SNX24: variants seen among roughly 807,000 people sequenced by gnomAD.
The protein encoded by SNX24 is sorting nexin 24, also known as sorting nexin-24.
In SNX24, 22 loss-of-function variants were observed where a neutral mutation model predicts 28.7. The ratio of observed to expected loss-of-function variants is 0.77; its 90% confidence interval spans 0.55 to 1.10. The LOEUF is 1.10. SNX24 is among the 50% of genes least tolerant of loss of function. The pLI is 0.00. For synonymous variants in SNX24, 69 were observed against 71.5 expected, an observed-to-expected ratio of 0.96 and a Z score of 0.18; for missense variants, 221 against 201.1, an observed-to-expected ratio of 1.10 and a Z score of -0.60.
chr5:122,852,245 G>A (rs189027851), intron 1 of SNX24, among the ~76,000 whole-genome samples: 7 of 151,772 alleles, frequency 4.6e-5, no homozygotes, highest in Non-Finnish European at 5.9e-5. Context: ...AACATGTGCC[G>A]TGGTGGTTTG....
intron 1 of SNX24, among the ~76,000 whole-genome samples, chr5:122,878,529 G>A (rs181982981): frequency 2.3e-4 from 35 of 152,306 alleles, no homozygotes; most frequent in Non-Finnish European, 2.4e-4. Flanking sequence ...AAGGAATGGA[G>A]TCAATAGCAT....
chr5:122,861,461 A>T (rs1011923392), intron 1 of SNX24, among the ~76,000 whole-genome samples: 11 of 152,204 alleles, frequency 7.2e-5, no homozygotes, highest in African/African-American at 2.2e-4. Flanking sequence ...TTTCAGGATG[A>T]TGGGGAATAT....
At chr5:122,975,880 A>G (rs1206650355) in intron 3 of SNX24, among the ~76,000 whole-genome samples, 1 of 152,196 alleles carries the variant, frequency 6.6e-6, no homozygotes, top group African/African-American at 2.4e-5. Context: ...TATACCTTTA[A>G]GGGAACTGAA....
chr5:122,854,970 G>A (rs184642885), intron 1 of SNX24, among the ~76,000 whole-genome samples: 2 of 152,274 alleles, frequency 1.3e-5, no homozygotes, highest in Admixed American at 1.3e-4. Flanking sequence ...GATCATCTGA[G>A]CCTTCACTGA....
intron 5 of SNX24, among the ~76,000 whole-genome samples, chr5:123,024,196 T>A (rs1011239637): frequency 3.9e-5 from 6 of 152,176 alleles, no homozygotes; most frequent in African/African-American, 1.2e-4. Flanking sequence ...AGAAAATATA[T>A]ACATCACATA....
At chr5:123,005,746 A>G (rs1396107286) in intron 6 of SNX24, among the ~76,000 whole-genome samples, 3 of 152,222 alleles carry the variant, frequency 2.0e-5, no homozygotes, top group Non-Finnish European at 2.9e-5. Context: ...TGATTTTAAT[A>G]TCCTTCTATG....
intron 3 of SNX24, among the ~76,000 whole-genome samples, chr5:122,978,724 C>T (rs1761270372): frequency 6.6e-6 from 1 of 152,052 alleles, no homozygotes; most frequent in South Asian, 2.1e-4. Context: ...AAACACAGTG[C>T]ACAAGAAATT....
intron 3 of SNX24, among the ~76,000 whole-genome samples, chr5:122,966,071 G>A (rs1374263982): frequency 6.6e-6 from 1 of 152,098 alleles, no homozygotes; most frequent in Admixed American, 6.6e-5. Flanking sequence ...ATGATTTTTA[G>A]TGCCAAAAAC....
intron 2 of SNX24, 64 bp from the exon 3 acceptor site, chr5:122,945,991 C>T: frequency 2.5e-6 from 2 of 806,100 alleles, no homozygotes; most frequent in East Asian, 5.7e-5. Context: ...CAAATAATAT[C>T]ACTATAATTA....
At chr5:123,000,080 C>G in intron 4 of SNX24, 74 bp downstream of exon 4, 1 of 1,020,840 alleles carries the variant, frequency 9.8e-7, no homozygotes, top group East Asian at 2.4e-5. Context: ...AACAAATAGC[C>G]CAGAGTGATG....
intron 3 of SNX24, among the ~76,000 whole-genome samples, 163 bp from the exon 4 acceptor site, chr5:122,999,749 C>T (rs1762179589): frequency 1.3e-5 from 2 of 152,100 alleles, no homozygotes; most frequent in African/African-American, 2.4e-5. Context: ...TGTGTCAGCC[C>T]GAATTCCTGG....
At chr5:122,877,944 G>A (rs368324620) in intron 1 of SNX24, among the ~76,000 whole-genome samples, 4 of 152,002 alleles carry the variant, frequency 2.6e-5, no homozygotes, top group Admixed American at 6.6e-5. Context: ...TACACATGCC[G>A]GATGTCCACT....
At chr5:122,897,060 A>G (rs766640601) in intron 1 of SNX24, among the ~76,000 whole-genome samples, 2 of 152,212 alleles carry the variant, frequency 1.3e-5, no homozygotes, top group Admixed American at 6.5e-5. Context: ...TTAAATCAAT[A>G]TAGTGTTTTA....
At chr5:122,877,797 T>C (rs1756298766) in intron 1 of SNX24, among the ~76,000 whole-genome samples, 1 of 152,190 alleles carries the variant, frequency 6.6e-6, no homozygotes, top group Non-Finnish European at 1.5e-5. Context: ...TGATTCTGCC[T>C]GAGTTTGCTC....
intron 3 of SNX24, among the ~76,000 whole-genome samples, chr5:122,953,122 G>A (rs1184249476): frequency 9.2e-6 from 1 of 108,332 alleles, no homozygotes; most frequent in Non-Finnish European, 1.9e-5. Flanking sequence ...TTTTTTTTTT[G>A]GAAACAGAGT....
At chr5:122,860,396 A>G (rs1755403547) in intron 1 of SNX24, among the ~76,000 whole-genome samples, 1 of 152,126 alleles carries the variant, frequency 6.6e-6, no homozygotes, top group Non-Finnish European at 1.5e-5. Flanking sequence ...TTATGTGTGT[A>G]AGTTCCCCAA....
chr5:122,920,607 T>A (rs527436995), intron 1 of SNX24, among the ~76,000 whole-genome samples: 12 of 152,302 alleles, frequency 7.9e-5, no homozygotes, highest in African/African-American at 2.9e-4. Context: ...AGTAGAATGC[T>A]AAGACTCTAG....
chr5:122,908,121 C>T (rs1693477585), intron 1 of SNX24, among the ~76,000 whole-genome samples: 1 of 152,102 alleles, frequency 6.6e-6, no homozygotes. Flanking sequence ...ACAAGTGGCA[C>T]GATATAATGA....
intron 3 of SNX24, among the ~76,000 whole-genome samples, chr5:122,955,231 A>G (rs1249349970): frequency 6.6e-6 from 1 of 151,896 alleles, no homozygotes; most frequent in Non-Finnish European, 1.5e-5. Flanking sequence ...GTTCTTCTTT[A>G]TATCTTTTAT....
Sources: allele counts gnomAD v4.1 joint callset (sites outside exome capture counted in the v4.1 genomes callset), GRCh38; gene constraint gnomAD v4.1.1; transcripts MANE v1.5; gene names NCBI Gene and HGNC (gene_info 2026-07-23, HGNC 2026-07-21).